Variants in FAT3 observed in about 807,000 individuals in gnomAD.
The protein encoded by FAT3 is FAT atypical cadherin 3, also known as protocadherin Fat 3.
FAT3 carries 95 observed loss-of-function variants against 310.2 expected under a neutral mutation model. That is an observed-to-expected ratio of 0.31 (90% confidence interval 0.26 to 0.36). The LOEUF (loss-of-function observed/expected upper bound fraction) is 0.36, where lower values mean the gene tolerates loss of function less well. Ranked by LOEUF, FAT3 falls within the 10% of genes least tolerant of loss-of-function variation. The pLI is 1.00. For missense variants in FAT3, 5,408 were observed against 5,715.6 expected (o/e 0.95, Z 1.74); for synonymous variants, 2,314 against 2,192.9 (o/e 1.06, Z -1.54).
chr11:92,831,892 C>T lies in FAT3; in HGVS notation c.9752C>T (p.Pro3251Leu). 6.2e-7 allele frequency: 1 copy of T among 1,612,732 alleles called. No individual in the cohort carries two copies. The highest frequency in any genetic ancestry group is 8.5e-7 in the Non-Finnish European group (1 of 1,179,416). The change falls in exon 14 of 28, where the codon CCT becomes CTT. Residue 3251 changes from proline (P) to leucine (L), a missense_variant. Pro to Leu is a moderately conservative substitution (Grantham distance 98). Coordinates refer to ENST00000525166, the MANE Select transcript of FAT3 (RefSeq NM_001367949.2). ...YLVTVPEDTSPGTQVLAVFAT... is the reference protein window; with the variant it reads ...YLVTVPEDTSLGTQVLAVFAT... ...GTGACGGTGCCTGAGGACACCTCCC[C>T]TGGCACCCAAGTCCTTGCTGTTTTT...
intron 13 of FAT3, among the ~76,000 whole-genome samples, chr11:92,812,576 C>T (rs1007242234): frequency 1.4e-5 from 2 of 143,620 alleles, no homozygotes; most frequent in African/African-American, 2.6e-5. Context: ...AGCAAGACTC[C>T]ATCTCAAAAA....
intron 3 of FAT3, among the ~76,000 whole-genome samples, chr11:92,530,870 C>G (rs1954042201): frequency 6.7e-6 from 1 of 149,686 alleles, no homozygotes; most frequent in Admixed American, 6.7e-5. Flanking sequence ...GAGGAGGAAA[C>G]CTTACTTTAT....
At chr11:92,572,263 T>C (rs1938207654) in intron 3 of FAT3, among the ~76,000 whole-genome samples, 1 of 152,328 alleles carries the variant, frequency 6.6e-6, no homozygotes. Flanking sequence ...TTTACTTAGG[T>C]TACAGTATCA....
chr11:92,759,277 G>A (rs6483187), intron 4 of FAT3, among the ~76,000 whole-genome samples: 127,197 of 152,236 alleles, frequency 0.84, 53,307 homozygotes, highest in East Asian at 0.94. Context: ...TGAATGGAGC[G>A]TGTTCTGTGG....
intron 3 of FAT3, among the ~76,000 whole-genome samples, chr11:92,626,126 C>T (rs1024829863): frequency 2.0e-5 from 3 of 152,178 alleles, no homozygotes; most frequent in Non-Finnish European, 2.9e-5. Context: ...GGAAAACTCC[C>T]TTTATTGCAG....
intron 4 of FAT3, among the ~76,000 whole-genome samples, chr11:92,713,800 C>G (rs1944596415): frequency 6.6e-6 from 1 of 152,138 alleles, no homozygotes; most frequent in Non-Finnish European, 1.5e-5. Context: ...GTATGTATAT[C>G]ATATTTTACA....
intron 2 of FAT3, among the ~76,000 whole-genome samples, chr11:92,407,347 A>C (rs1373757289): frequency 6.6e-6 from 1 of 152,310 alleles, no homozygotes; most frequent in East Asian, 1.9e-4. Flanking sequence ...CAGTTCTTGA[A>C]GAGATTCTTA....
intron 1 of FAT3, among the ~76,000 whole-genome samples, chr11:92,315,822 C>T (rs1244297605): frequency 2.0e-5 from 3 of 151,734 alleles, no homozygotes; most frequent in South Asian, 2.1e-4. Flanking sequence ...ATGCCTGATC[C>T]AATCATAATT....
At chr11:92,683,952 G>A (rs780004746) in intron 3 of FAT3, among the ~76,000 whole-genome samples, 17 of 152,238 alleles carry the variant, frequency 1.1e-4, no homozygotes, top group Non-Finnish European at 1.8e-4. Flanking sequence ...AACCCGGCAC[G>A]AGTTCCATGA....
intron 2 of FAT3, among the ~76,000 whole-genome samples, chr11:92,521,274 C>G (rs1341816857): frequency 6.6e-6 from 1 of 152,042 alleles, no homozygotes; most frequent in Non-Finnish European, 1.5e-5. Flanking sequence ...TTTTTAGTGA[C>G]CTTACTTTGA....
At chr11:92,608,414 T>A (rs942883085) in intron 3 of FAT3, among the ~76,000 whole-genome samples, 1 of 152,166 alleles carries the variant, frequency 6.6e-6, no homozygotes, top group Admixed American at 6.5e-5. Flanking sequence ...CTTGTGTTCA[T>A]GCTTTCATAT....
At chr11:92,292,960 CA>C (rs1946728396) in intron 1 of FAT3, among the ~76,000 whole-genome samples, 1 of 149,570 alleles carries the variant, frequency 6.7e-6, no homozygotes, top group South Asian at 2.1e-4. Context: ...GTGTAGTGGA[CA>C]ATGATTGCAC....
chr11:92,362,249 A>G (rs572739813), intron 2 of FAT3, among the ~76,000 whole-genome samples: 82 of 152,332 alleles, frequency 5.4e-4, no homozygotes, highest in African/African-American at 1.9e-3. Context: ...TCAGATAGAC[A>G]AACCGAAAAG....
intron 2 of FAT3, among the ~76,000 whole-genome samples, chr11:92,376,718 G>C (rs1370375635): frequency 6.6e-6 from 1 of 152,144 alleles, no homozygotes; most frequent in Non-Finnish European, 1.5e-5. Flanking sequence ...TTTGGATAGT[G>C]GTTGTGGTTT....
At chr11:92,879,955 C>T (rs996051808) in intron 22 of FAT3, among the ~76,000 whole-genome samples, 4 of 151,912 alleles carry the variant, frequency 2.6e-5, no homozygotes, top group East Asian at 1.9e-4. Flanking sequence ...ACAAATCTTA[C>T]GGTTTTTTTT....
intron 4 of FAT3, among the ~76,000 whole-genome samples, chr11:92,728,447 A>G (rs1485411739): frequency 1.3e-5 from 2 of 152,214 alleles, no homozygotes; most frequent in Non-Finnish European, 2.9e-5. Flanking sequence ...CAGTGTTTAC[A>G]AAGAAGTTTA....
intron 2 of FAT3, among the ~76,000 whole-genome samples, chr11:92,466,555 C>CT (rs903515077): frequency 9.4e-5 from 14 of 148,922 alleles, no homozygotes; most frequent in Middle Eastern, 3.5e-3. Context: ...TTCCGCATAT[C>CT]TTTTTTTTTT....
At chr11:92,458,369 T>C (rs1203788456) in intron 2 of FAT3, among the ~76,000 whole-genome samples, 1 of 152,224 alleles carries the variant, frequency 6.6e-6, no homozygotes, top group Admixed American at 6.5e-5. Flanking sequence ...TTGCCCTGTA[T>C]GTGGAGGTTT....
At chr11:92,259,144 A>G (rs1272994503) in intron 1 of FAT3, among the ~76,000 whole-genome samples, 4 of 152,110 alleles carry the variant, frequency 2.6e-5, no homozygotes, top group Admixed American at 6.6e-5. Context: ...ATGCTCCTGC[A>G]TCTGTAAAAT....
Sources: allele counts gnomAD v4.1 joint callset (sites outside exome capture counted in the v4.1 genomes callset), GRCh38; gene constraint gnomAD v4.1.1; transcripts MANE v1.5; gene names NCBI Gene and HGNC (gene_info 2026-07-23, HGNC 2026-07-21).